TM9SF4: variants seen among roughly 807,000 people sequenced by gnomAD.
TM9SF4 encodes the protein transmembrane 9 superfamily member 4.
In TM9SF4, 26 loss-of-function variants were observed where a neutral mutation model predicts 90.4. The ratio of observed to expected loss-of-function variants is 0.29; its 90% CI spans 0.21 to 0.40. TM9SF4 has a LOEUF of 0.40. TM9SF4 is among the 10% of genes least tolerant of loss of function. The pLI is 1.00. For synonymous variants in TM9SF4, 293 were observed against 315.4 expected (o/e 0.93, Z 0.75); for missense variants, 549 against 834.8 (o/e 0.66, Z 4.22).
At chr20:32,152,700 C>T (rs2046860315) in intron 12 of TM9SF4, among the ~76,000 whole-genome samples, 1 of 152,174 alleles carries the variant, frequency 6.6e-6, no homozygotes, top group Non-Finnish European at 1.5e-5. Flanking sequence ...TCCCCTCTGC[C>T]TGGGCCACAC....
At chr20:32,136,531 G>A (rs1034959408) in intron 3 of TM9SF4, among the ~76,000 whole-genome samples, 1 of 151,978 alleles carries the variant, frequency 6.6e-6, no homozygotes, top group Non-Finnish European at 1.5e-5. Context: ...CCTCTCTTGC[G>A]GCTTCATCAC....
Position 32,149,719 on chromosome 20 carries a change from T to G in TM9SF4, c.1040T>G (p.Leu347Arg). Residue 347 changes from leucine to arginine, a missense_variant, in exon 10 of 18, where the codon CTG (leucine) becomes CGG (arginine). Physicochemically the swap from Leu to Arg is moderately radical, Grantham distance 102 (BLOSUM62 -2). Coordinates refer to ENST00000398022, the MANE Select transcript of TM9SF4 (RefSeq NM_014742.4). ...PPQYPMILSSLLGSGIQLFCM... is the reference protein window; with the variant it reads ...PPQYPMILSSRLGSGIQLFCM... Reference sequence around the variant, plus strand: ...CAGTACCCCATGATCCTCAGCTCCCTGCTGGGCTCAGGCATTCAGCTGTTC... The same window carrying G: ...CAGTACCCCATGATCCTCAGCTCCCGGCTGGGCTCAGGCATTCAGCTGTTC... The G allele has an allele frequency of 6.2e-7, 1 of 1,614,230 alleles. No homozygotes were observed. Among genetic ancestry groups the G allele is most frequent in the Non-Finnish European group, 8.5e-7 (1 of 1,180,030 alleles).
chr20:32,118,124 A>AC (rs2046253496), intron 1 of TM9SF4, among the ~76,000 whole-genome samples: 1 of 152,168 alleles, frequency 6.6e-6, no homozygotes, highest in African/African-American at 2.4e-5. Context: ...AAAAGTTGGA[A>AC]CAGTGTCCAG....
At chr20:32,126,923 C>T (rs1456129395) in intron 1 of TM9SF4, among the ~76,000 whole-genome samples, 4 of 151,910 alleles carry the variant, frequency 2.6e-5, no homozygotes, top group African/African-American at 7.3e-5. Flanking sequence ...TTAGTAGAGA[C>T]GGGGTTCACC....
intron 17 of TM9SF4, among the ~76,000 whole-genome samples, chr20:32,162,837 C>T (rs1165847155): frequency 6.6e-6 from 1 of 151,570 alleles, no homozygotes; most frequent in East Asian, 1.9e-4. Context: ...TGGCAAGTGA[C>T]TAAAACTCTA....
intron 1 of TM9SF4, among the ~76,000 whole-genome samples, chr20:32,130,229 T>C (rs2046490866): frequency 6.6e-6 from 1 of 152,240 alleles, no homozygotes; most frequent in Non-Finnish European, 1.5e-5. Context: ...TACGAAAATA[T>C]CCTTTGCTGT....
chr20:32,149,540 G>A, intron 9 of TM9SF4, 94 bp from the exon 10 acceptor site: 3 of 1,546,740 alleles, frequency 1.9e-6, no homozygotes, highest in South Asian at 1.1e-5. Context: ...GCGCTGGTTG[G>A]CACCTGAGGG....
At chr20:32,127,664 T>C (rs1290362146) in intron 1 of TM9SF4, among the ~76,000 whole-genome samples, 1 of 152,212 alleles carries the variant, frequency 6.6e-6, no homozygotes, top group Non-Finnish European at 1.5e-5. Context: ...GTATACTTGC[T>C]CCATTGGTTT....
chr20:32,137,422 C>G (rs1426723963), intron 3 of TM9SF4, among the ~76,000 whole-genome samples: 1 of 152,230 alleles, frequency 6.6e-6, no homozygotes, highest in Non-Finnish European at 1.5e-5. Flanking sequence ...ACCTTAACCT[C>G]TCTGAACCCC....
chr20:32,129,336 T>C (rs891267533), intron 1 of TM9SF4, among the ~76,000 whole-genome samples: 1 of 151,784 alleles, frequency 6.6e-6, no homozygotes, highest in Non-Finnish European at 1.5e-5. Context: ...TTACAAAAAA[T>C]CAAAAAAATT....
In TM9SF4 at chr20:32,110,081, C is replaced by T. The variant is rs191253706; in HGVS notation, c.15+326C>T. 22 of 1,229,010 alleles carry T rather than the reference C, an allele frequency of 1.8e-5. No individual in the cohort carries two copies. The Admixed American group carries it at 4.6e-4, about 25-fold the overall frequency. The allele number at this position is 1,229,010 out of a possible 1,614,324, so 76.1% of individuals were successfully genotyped here. ...ATTTCTCACCTCCCTGTCCTGACCCCTCTGAAGACCCCCTCCCGTTATTCT... is the reference window on the plus strand; with the variant it reads ...ATTTCTCACCTCCCTGTCCTGACCCTTCTGAAGACCCCCTCCCGTTATTCT... On this transcript the variant is annotated intron_variant, in intron 1 of 17. Coordinates refer to ENST00000398022, the MANE Select transcript of TM9SF4 (RefSeq NM_014742.4).
At chr20:32,116,928 T>C (rs1406436638) in intron 1 of TM9SF4, among the ~76,000 whole-genome samples, 2 of 140,104 alleles carry the variant, frequency 1.4e-5, no homozygotes, top group African/African-American at 5.3e-5. Flanking sequence ...GGTCTCAAAA[T>C]GGTGACTGTC....
At chr20:32,120,713 C>G (rs1000789002) in intron 1 of TM9SF4, among the ~76,000 whole-genome samples, 3 of 152,100 alleles carry the variant, frequency 2.0e-5, no homozygotes, top group African/African-American at 7.2e-5. Context: ...GCATCCTTGC[C>G]TTGTTCCTGA....
At chr20:32,121,956 C>T (rs1475031467) in intron 1 of TM9SF4, among the ~76,000 whole-genome samples, 15 of 142,286 alleles carry the variant, frequency 1.1e-4, no homozygotes, top group South Asian at 2.3e-4. Flanking sequence ...CCCTCCCGGA[C>T]GGGGCGGCTG....
intron 1 of TM9SF4, among the ~76,000 whole-genome samples, chr20:32,119,916 G>A (rs1215113372): frequency 1.3e-5 from 2 of 152,026 alleles, no homozygotes; most frequent in African/African-American, 4.8e-5. Flanking sequence ...AAAGACTTAT[G>A]TTTCTCTATT....
intron 12 of TM9SF4, among the ~76,000 whole-genome samples, chr20:32,153,904 C>T (rs2046879584): frequency 6.6e-6 from 1 of 152,214 alleles, no homozygotes; most frequent in Non-Finnish European, 1.5e-5. Flanking sequence ...GTTTATACCT[C>T]TGCTGTACCT....
chr20:32,156,527 T>C (rs2046923270), intron 13 of TM9SF4, among the ~76,000 whole-genome samples: 1 of 152,280 alleles, frequency 6.6e-6, no homozygotes, highest in African/African-American at 2.4e-5. Flanking sequence ...TTCTCTAGAT[T>C]ACTTAAAATA....
At chr20:32,165,230 C>T in intron 17 of TM9SF4, 65 bp from the exon 18 acceptor site, 1 of 1,598,314 alleles carries the variant, frequency 6.3e-7, no homozygotes, top group South Asian at 1.1e-5. Flanking sequence ...GAGAGTGGGG[C>T]CCCAGTTCGC....
intron 8 of TM9SF4, 87 bp downstream of exon 8, chr20:32,145,510 G>T: frequency 8.3e-7 from 1 of 1,203,436 alleles, no homozygotes; most frequent in Non-Finnish European, 1.2e-6. Flanking sequence ...GACTTCCAGG[G>T]TGTTCTGAGG....
Sources: allele counts gnomAD v4.1 joint callset (sites outside exome capture counted in the v4.1 genomes callset), GRCh38; gene constraint gnomAD v4.1.1; transcripts MANE v1.5; gene names NCBI Gene and HGNC (gene_info 2026-07-23, HGNC 2026-07-21).